The following GLI3 variants were observed in gnomAD, a reference collection of about 807,000 sequenced individuals.
GLI3 encodes transcription activator GLI3.
A neutral mutation model predicts 100.8 loss-of-function variants in GLI3; 20 were observed. That is an observed-to-expected ratio of 0.20 (90% confidence interval 0.14 to 0.29). GLI3 has a LOEUF of 0.29. Among genes scored for constraint, GLI3 ranks in the 10% least tolerant of loss-of-function variants. The probability of loss-of-function intolerance (pLI) is 1.00; values close to 1 mark genes in which losing one functional copy is unlikely to be tolerated. For synonymous variants in GLI3, 938 were observed against 860.5 expected, an observed-to-expected ratio of 1.09 and a Z score of -1.58; for missense variants, 2,040 against 2,128.5, an observed-to-expected ratio of 0.96 and a Z score of 0.82.
chr7:42,064,498 C>T (rs752957925), intron 4 of GLI3, among the ~76,000 whole-genome samples: 2 of 152,208 alleles, frequency 1.3e-5, no homozygotes, highest in South Asian at 2.1e-4. Flanking sequence ...ACTTGTTTTA[C>T]GAAGATGATC....
chr7:42,087,479 T>C (rs1429308919), intron 3 of GLI3, among the ~76,000 whole-genome samples: 2 of 152,188 alleles, frequency 1.3e-5, no homozygotes, highest in African/African-American at 4.8e-5. Flanking sequence ...CCACCACCTC[T>C]AAGACAGGGC....
chr7:41,995,818 A>G (rs936713005), intron 10 of GLI3, among the ~76,000 whole-genome samples: 2 of 152,228 alleles, frequency 1.3e-5, no homozygotes, highest in Admixed American at 6.5e-5. Flanking sequence ...AGACATGCAG[A>G]CACAAACACA....
chr7:41,961,608 G>A lies in GLI3; in HGVS notation c.*2722C>T, dbSNP rs188602066. On this transcript the variant is annotated 3_prime_UTR_variant, in exon 15 of 15. Transcript: ENST00000395925. The stretch of plus-strand genomic sequence containing the variant: ...GACATTAAGCAGGAGTAGAATGTGT[G>A]AGCCTGCATGTTTTAGAAAAGGCAG... 1.3e-5 allele frequency: 2 copies of A among 152,270 alleles called. No individual in the cohort carries two copies. The highest frequency in any genetic ancestry group is 1.9e-4 in the East Asian group (1 of 5,192). 9.4% of individuals were successfully genotyped at this position (152,270 alleles called of 1,614,324 possible). A position where few individuals can be genotyped will look rare whatever the true frequency, so the allele number is the denominator to read the frequency against.
intron 3 of GLI3, among the ~76,000 whole-genome samples, chr7:42,082,316 T>C (rs1785013096): frequency 6.6e-6 from 1 of 152,058 alleles, no homozygotes; most frequent in African/African-American, 2.4e-5. Context: ...CAGTGCACTG[T>C]GGGAGGCCAT....
intron 10 of GLI3, among the ~76,000 whole-genome samples, chr7:42,022,878 T>C (rs1253055543): frequency 2.0e-5 from 3 of 152,210 alleles, no homozygotes; most frequent in East Asian, 1.9e-4. Context: ...GTTCTCAATC[T>C]GACCATGCTG....
At chr7:42,170,804 T>C (rs1787357235) in intron 2 of GLI3, among the ~76,000 whole-genome samples, 1 of 152,202 alleles carries the variant, frequency 6.6e-6, no homozygotes, top group African/African-American at 2.4e-5. Flanking sequence ...ATCAAGTATT[T>C]GCTTGAGAAT....
rs1398387643 is a variant in GLI3, at chr7:42,236,978, G to A, written c.-50C>T. ...ACTTCGAGCGGGACGTACCTGCGGCGGCAGCGGCTGTCAAGTCCCCGAACT... is the reference window on the plus strand; with the variant it reads ...ACTTCGAGCGGGACGTACCTGCGGCAGCAGCGGCTGTCAAGTCCCCGAACT... On this transcript the variant is annotated 5_prime_UTR_variant, in exon 1 of 15. Coordinates refer to ENST00000395925, the MANE Select transcript of GLI3 (RefSeq NM_000168.6). 3 of 151,908 alleles carry A rather than the reference G, an allele frequency of 2.0e-5. No homozygotes were observed. Among genetic ancestry groups the A allele is most frequent in the African/African-American group, 7.2e-5 (3 of 41,528 alleles). 9.4% of individuals were successfully genotyped at this position (151,908 alleles called of 1,614,324 possible). A position where few individuals can be genotyped will look rare whatever the true frequency, so the allele number is the denominator to read the frequency against.
chr7:42,233,195 A>G (rs1788728159), intron 1 of GLI3, among the ~76,000 whole-genome samples: 1 of 152,260 alleles, frequency 6.6e-6, no homozygotes, highest in Non-Finnish European at 1.5e-5. Flanking sequence ...AGAATGAAAT[A>G]TCTAAAGTGG....
chr7:42,109,423 G>C (rs969494554), intron 3 of GLI3, among the ~76,000 whole-genome samples: 2 of 152,188 alleles, frequency 1.3e-5, no homozygotes, highest in Non-Finnish European at 2.9e-5. Context: ...ATAAGATATT[G>C]CTGATGTTTT....
intron 1 of GLI3, among the ~76,000 whole-genome samples, chr7:42,244,502 G>A (rs973211839): frequency 3.3e-5 from 5 of 152,082 alleles, no homozygotes; most frequent in South Asian, 2.1e-4. Flanking sequence ...TGCAGCCTTC[G>A]TTGCTTGTTA....
chr7:42,261,982 T>C (rs77485659), intron 1 of GLI3, among the ~76,000 whole-genome samples: 5 of 5,538 alleles, frequency 9.0e-4, no homozygotes, highest in Non-Finnish European at 2.2e-3. Flanking sequence ...CGCTCTCTCT[T>C]TCTTTCTTTC....
intron 1 of GLI3, among the ~76,000 whole-genome samples, chr7:42,250,074 G>A (rs1249520639): frequency 6.6e-6 from 1 of 151,464 alleles, no homozygotes; most frequent in Admixed American, 6.6e-5. Context: ...CATCCTGGGT[G>A]ACAGAGCAAG....
chr7:42,217,601 C>A (rs1788403266), intron 2 of GLI3, among the ~76,000 whole-genome samples: 1 of 152,104 alleles, frequency 6.6e-6, no homozygotes, highest in African/African-American at 2.4e-5. Context: ...TAAATTTTCC[C>A]AAGATTATCT....
intron 3 of GLI3, among the ~76,000 whole-genome samples, chr7:42,112,910 C>T (rs1163343895): frequency 1.3e-5 from 2 of 152,186 alleles, no homozygotes; most frequent in African/African-American, 4.8e-5. Context: ...TAGTGGCTCA[C>T]ATCTGTAATC....
intron 2 of GLI3, among the ~76,000 whole-genome samples, chr7:42,205,863 G>A (rs147230716): frequency 2.6e-5 from 4 of 152,246 alleles, no homozygotes; most frequent in African/African-American, 9.6e-5. Context: ...ATATACGCCT[G>A]GGAAGAGAGT....
chr7:42,227,259 T>C (rs1443555905), intron 1 of GLI3, among the ~76,000 whole-genome samples: 1 of 151,940 alleles, frequency 6.6e-6, no homozygotes, highest in Admixed American at 6.6e-5. Flanking sequence ...GCATGCCCCT[T>C]GACTTTTCAT....
chr7:42,030,066 G>T lies in GLI3; in HGVS notation c.1029-3654C>A, dbSNP rs199626769. Among the ~76,000 whole-genome samples the T allele has an allele frequency of 3.5e-4, 54 of 152,252 alleles. 1 individual carries two copies. In the East Asian group the frequency reaches 7.0e-3, roughly 20 times the overall value. ...CACTGTTTATTACCTTACAGTTCTG[G>T]AAGTCAGAAGTCTGCAATAGGCCGG... is the stretch of plus-strand genomic sequence containing the variant. On this transcript the variant is annotated intron_variant, in intron 7 of 14. Coordinates refer to ENST00000395925, the MANE Select transcript of GLI3 (RefSeq NM_000168.6).
At chr7:42,018,019 A>C (rs1019286278) in intron 10 of GLI3, among the ~76,000 whole-genome samples, 1 of 152,210 alleles carries the variant, frequency 6.6e-6, no homozygotes, top group African/African-American at 2.4e-5. Flanking sequence ...GGTCATCCCA[A>C]GAGTCAGGGC....
intron 10 of GLI3, among the ~76,000 whole-genome samples, chr7:41,979,014 A>C (rs1787584208): frequency 6.6e-6 from 1 of 152,202 alleles, no homozygotes; most frequent in South Asian, 2.1e-4. Context: ...ACTACAGTAC[A>C]CTGGCCATCT....
Sources: gnomAD v4.1 joint callset for allele counts (sites outside exome capture counted in the v4.1 genomes callset) on GRCh38, gnomAD v4.1.1 for gene constraint, MANE v1.5 for transcripts, NCBI Gene and HGNC (gene_info 2026-07-23, HGNC 2026-07-21) for gene names.